LRRC25: variants seen among roughly 807,000 people sequenced by gnomAD.
The protein encoded by LRRC25 is leucine-rich repeat-containing protein 25.
In LRRC25, 5 loss-of-function variants were observed where a neutral mutation model predicts 18.8. That is an observed-to-expected ratio of 0.27 (90% CI 0.14 to 0.56). The LOEUF is 0.56. Among genes scored for constraint, LRRC25 ranks in the 20% least tolerant of loss-of-function variants. The pLI, the probability that LRRC25 is intolerant of heterozygous loss-of-function variation, is 0.93. For missense variants in LRRC25, 341 were observed against 389.8 expected (o/e 0.87, Z 1.05); for synonymous variants, 161 against 176.8 (o/e 0.91, Z 0.71).
intron 1 of LRRC25, among the ~76,000 whole-genome samples, chr19:18,393,952 G>C (rs1971933110): frequency 6.6e-6 from 1 of 152,150 alleles, no homozygotes; most frequent in Admixed American, 6.5e-5. Context: ...CTGCTTTTGC[G>C]AGTCCAGTGT....
chr19:18,396,959 C>T lies in LRRC25; in HGVS notation c.5G>A (p.Gly2Glu). M[G>E]GTLAWTLLLP... Reference sequence around the variant, plus strand: ...CAGCAGCGTCCATGCCAGGGTGCCCCCCATTCAAGCAACCTACGTAGAGAC... The same window carrying T: ...CAGCAGCGTCCATGCCAGGGTGCCCTCCATTCAAGCAACCTACGTAGAGAC... Residue 2 changes from glycine to glutamate, a missense_variant, in exon 1 of 2, where the codon GGG (glycine) becomes GAG (glutamate). Physicochemically the swap from Gly to Glu is moderately conservative, Grantham distance 98. Coordinates refer to ENST00000339007, the MANE Select transcript of LRRC25 (RefSeq NM_145256.3). 2 of 1,605,042 alleles carry T rather than the reference C, an allele frequency of 1.2e-6. No homozygotes were observed. The highest frequency in any genetic ancestry group is 1.7e-6 in the Non-Finnish European group (2 of 1,175,654).
At chr19:18,395,526 G>A (rs1971957222) in intron 1 of LRRC25, among the ~76,000 whole-genome samples, 2 of 152,058 alleles carry the variant, frequency 1.3e-5, no homozygotes, top group African/African-American at 2.4e-5. Context: ...TGGGACCTGG[G>A]CCTATGCTGC....
chr19:18,392,893 G>A (rs1204980439), intron 1 of LRRC25, among the ~76,000 whole-genome samples: 4 of 152,136 alleles, frequency 2.6e-5, no homozygotes, highest in Non-Finnish European at 5.9e-5. Flanking sequence ...GGGAGGCTGA[G>A]GTGGGAGGAC....
rs1971987814 is a variant in LRRC25 at position 18,397,581 on chromosome 19, C to CT, written c.-619dup. The CT allele has an allele frequency of 6.5e-6, 1 of 154,254 alleles. No homozygotes were observed. Among genetic ancestry groups the CT allele is most frequent in the Non-Finnish European group, 1.4e-5 (1 of 69,220 alleles). 9.6% of individuals were successfully genotyped at this position (154,254 alleles called of 1,614,324 possible). A position where few individuals can be genotyped will look rare whatever the true frequency, so the allele number is the denominator to read the frequency against. On this transcript the variant is annotated 5_prime_UTR_variant, in exon 1 of 2. Coordinates refer to ENST00000339007, the MANE Select transcript of LRRC25 (RefSeq NM_145256.3). ...ACGGCCAGCACCGTCCGCAGCGCTGCTGGGGTCGCTGGCGTTCCTCTGGCT... is the reference window on the plus strand; with the variant it reads ...ACGGCCAGCACCGTCCGCAGCGCTGCTTGGGGTCGCTGGCGTTCCTCTGGCT...
intron 1 of LRRC25, among the ~76,000 whole-genome samples, chr19:18,395,303 G>A (rs143799712): frequency 1.7e-4 from 25 of 151,502 alleles, no homozygotes; most frequent in Non-Finnish European, 2.7e-4. Context: ...CCCGGGAGGC[G>A]GAGCTGGCAG....
chr19:18,394,220 G>T (rs911189944), intron 1 of LRRC25, among the ~76,000 whole-genome samples: 3 of 151,736 alleles, frequency 2.0e-5, no homozygotes, highest in African/African-American at 7.3e-5. Flanking sequence ...CTGGGTCTCT[G>T]CCCCTGAGGG....
At position 18,396,323 on chromosome 19, in the gene LRRC25, C is replaced by T. The variant is rs375547184; in HGVS notation, c.641G>A (p.Gly214Asp). The T allele has an allele frequency of 6.2e-7, 1 of 1,613,928 alleles. No individual in the cohort carries two copies. The highest frequency in any genetic ancestry group is 8.5e-7 in the Non-Finnish European group (1 of 1,180,000). ...GCCGTACCGTGGCTGCAAGCCTAAACCGGGCTTGGGCCCATCCTGAGCAGC... is the reference window on the plus strand; with the variant it reads ...GCCGTACCGTGGCTGCAAGCCTAAATCGGGCTTGGGCCCATCCTGAGCAGC... ...PWAAQDGPKP[G>D]LGLQPRYGSR... The change falls in exon 1 of 2, where the codon GGT becomes GAT. Residue 214 changes from glycine (G) to aspartate (D), a missense_variant. By Grantham distance (94) the Gly-to-Asp change is moderately conservative. Coordinates refer to ENST00000339007, the MANE Select transcript of LRRC25 (RefSeq NM_145256.3).
In LRRC25 at chr19:18,396,999, C is replaced by G. The variant is rs1375840940; in HGVS notation, c.-36G>C. ...TACGTAGAGACACCGGAATCCTAGC[C>G]CTGACCTCAGCCCTGTGGTCGCCCT... On this transcript the variant is annotated 5_prime_UTR_variant, in exon 1 of 2. Coordinates refer to ENST00000339007, the MANE Select transcript of LRRC25 (RefSeq NM_145256.3). 1.3e-6 allele frequency: 2 copies of G among 1,573,194 alleles called. No homozygotes were observed.
chr19:18,392,181 G>C (rs1971910501), intron 1 of LRRC25, 56 bp from the exon 2 acceptor site: 2 of 1,581,732 alleles, frequency 1.3e-6, no homozygotes, highest in African/African-American at 2.7e-5. Context: ...TCAGGGGACA[G>C]GCACATGAGC....
rs747659251 is a variant in LRRC25 at position 18,396,364 on chromosome 19, C to T, written c.600G>A (p.Glu200=). The part of the protein sequence containing the change: ...LWRCRVARSR[E]LNKPWAAQDG... ...CCTGAGCAGCCCAGGGTTTGTTCAG[C>T]TCCCGGCTTCTGGCCACTCGGCATC... Residue 200 remains glutamate, a synonymous_variant, in exon 1 of 2, where the codon GAG becomes GAA. Coordinates refer to ENST00000339007, the MANE Select transcript of LRRC25 (RefSeq NM_145256.3). The T allele has an allele frequency of 6.8e-6, 11 of 1,613,696 alleles. No homozygotes were observed. The highest frequency in any genetic ancestry group is 9.3e-6 in the Non-Finnish European group (11 of 1,179,992).
chr19:18,395,636 A>G (rs141815370), intron 1 of LRRC25, among the ~76,000 whole-genome samples: 1 of 152,132 alleles, frequency 6.6e-6, no homozygotes, highest in African/African-American at 2.4e-5. Context: ...AAGGGGGGGA[A>G]GTTTGTCCCA....
Position 18,391,922 on chromosome 19 carries a change from A to G in LRRC25, c.*65T>C, listed in dbSNP as rs1293982983. 1.9e-6 allele frequency: 3 copies of G among 1,555,340 alleles called. No homozygotes were observed. In the African/African-American group the frequency reaches 4.1e-5, roughly 21 times the overall value. ...GGGAAACTGAGGCCATGGAGGCGTTAGGACGCCCTGAGTCACCCAGCAGGG... is the reference window on the plus strand; with the variant it reads ...GGGAAACTGAGGCCATGGAGGCGTTGGGACGCCCTGAGTCACCCAGCAGGG... On this transcript the variant is annotated 3_prime_UTR_variant, in exon 2 of 2. Transcript: ENST00000339007.
intron 1 of LRRC25, among the ~76,000 whole-genome samples, chr19:18,393,361 G>A (rs576321992): frequency 9.2e-5 from 14 of 152,304 alleles, no homozygotes; most frequent in South Asian, 2.1e-4. Context: ...GGTGGCTCAC[G>A]CCTATAATCC....
rs2144623989 is a variant in LRRC25, at chr19:18,396,202, G to C, written c.762C>G (p.His254Gln). 1.2e-6 allele frequency: 2 copies of C among 1,602,154 alleles called. No homozygotes were observed. The highest frequency in any genetic ancestry group is 4.5e-5 in the East Asian group (2 of 44,566). The change falls in exon 1 of 2, where the codon CAC becomes CAG. Residue 254 changes from histidine (H) to glutamine (Q), a missense_variant. By Grantham distance (24) the His-to-Gln change is conservative. Coordinates refer to ENST00000339007, the MANE Select transcript of LRRC25 (RefSeq NM_145256.3). ...TTACTTACCCTTGTTCATCCCACTG[G>C]TGCTCGGCTGCTGGCTGGCCCACAA... ...NMFVGQPAAEHQWDEQGAHPS... is the reference protein window; with the variant it reads ...NMFVGQPAAEQQWDEQGAHPS...
rs115980293 is a variant in LRRC25 at position 18,394,776 on chromosome 19, G to A, written c.779+1409C>T. 3.9e-3 allele frequency among the ~76,000 whole-genome samples: 597 copies of A among 152,250 alleles called. 4 individuals carry two copies. Among genetic ancestry groups the A allele is most frequent in the African/African-American group, 0.014 (575 of 41,554 alleles). On this transcript the variant is annotated intron_variant, in intron 1 of 1. Transcript: ENST00000339007. ...AGAAAAGTTCAACTCATTTGTCTAAGCCCAGCAAAATCATCCAGAAGCCGG... is the reference window on the plus strand; with the variant it reads ...AGAAAAGTTCAACTCATTTGTCTAAACCCAGCAAAATCATCCAGAAGCCGG...
At position 18,392,807 on chromosome 19, in the gene LRRC25, G is replaced by A. The variant is rs113659039; in HGVS notation, c.780-682C>T. On this transcript the variant is annotated intron_variant, in intron 1 of 1. Transcript: ENST00000339007. ...GAGTTTGAGACCATCCTGAGCAACA[G>A]GGTGAGACCCCATCTCTACAAAAAA... Among the ~76,000 whole-genome samples, 1,161 of 152,202 alleles carry A rather than the reference G, an allele frequency of 7.6e-3. 12 individuals carry two copies. Among genetic ancestry groups the A allele is most frequent in the African/African-American group, 0.026 (1,097 of 41,530 alleles).
At chr19:18,396,133 T>C in intron 1 of LRRC25, 52 bp downstream of exon 1, 1 of 1,539,314 alleles carries the variant, frequency 6.5e-7, no homozygotes, top group Non-Finnish European at 8.8e-7. Context: ...GCCATCTGGG[T>C]GTGGAGCCTT....
At position 18,396,171 on chromosome 19, in the gene LRRC25, A is replaced by G. The variant is rs1192036140; in HGVS notation, c.779+14T>C. On this transcript the variant is annotated intron_variant, in intron 1 of 1. Coordinates refer to ENST00000339007, the MANE Select transcript of LRRC25 (RefSeq NM_145256.3). Reference sequence around the variant, plus strand: ...TATTCACCACTTTGGCAGGTGTCTCAGTGGCTTACTTACCCTTGTTCATCC... The same window carrying G: ...TATTCACCACTTTGGCAGGTGTCTCGGTGGCTTACTTACCCTTGTTCATCC... 2 of 1,573,538 alleles carry G rather than the reference A, an allele frequency of 1.3e-6. No homozygotes were observed. Among genetic ancestry groups the G allele is most frequent in the Non-Finnish European group, 1.7e-6 (2 of 1,154,398 alleles).
At position 18,396,740 on chromosome 19, in the gene LRRC25, T is replaced by C. The variant is rs1467497395; in HGVS notation, c.224A>G (p.Glu75Gly). The C allele has an allele frequency of 6.2e-7, 1 of 1,613,868 alleles. No homozygotes were observed. The highest frequency in any genetic ancestry group is 1.3e-5 in the African/African-American group (1 of 74,866). The change falls in exon 1 of 2, where the codon GAG becomes GGG. Residue 75 changes from glutamate to glycine, a missense_variant. Glu to Gly is a moderately conservative substitution (Grantham distance 98, BLOSUM62 -2). Transcript: ENST00000339007. Reference protein sequence around the residue: ...LLDLSGNGLRELPVTFFAHLQ... With the variant: ...LLDLSGNGLRGLPVTFFAHLQ... ...GTGGGCAAAGAAGGTCACTGGAAGC[T>C]CTCGCAGGCCGTTCCCAGACAGGTC... is the stretch of plus-strand genomic sequence containing the variant.
Sources: allele counts gnomAD v4.1 joint callset (sites outside exome capture counted in the v4.1 genomes callset), GRCh38; gene constraint gnomAD v4.1.1; transcripts MANE v1.5; gene names NCBI Gene and HGNC (gene_info 2026-07-23, HGNC 2026-07-21).